CDH2: variants seen among roughly 807,000 people sequenced by gnomAD.
CDH2 encodes the protein cadherin 2.
CDH2 carries 17 observed loss-of-function variants against 92.0 expected under a neutral mutation model. The observed-to-expected ratio is 0.18, with a 90% confidence interval of 0.13 to 0.28. The LOEUF is 0.28. Ranked by LOEUF, CDH2 falls within the 10% of genes least tolerant of loss-of-function variation. CDH2 has a pLI of 1.00. For missense variants in CDH2, 862 were observed against 1,133.1 expected, an observed-to-expected ratio of 0.76 and a Z score of 3.44; for synonymous variants, 419 against 415.9, an observed-to-expected ratio of 1.01 and a Z score of -0.09.
intron 1 of CDH2, among the ~76,000 whole-genome samples, chr18:28,152,535 T>G (rs1173767712): frequency 6.6e-6 from 1 of 152,074 alleles, no homozygotes; most frequent in African/African-American, 2.4e-5. Context: ...CAGTCACTGC[T>G]TGAACTAAAA....
chr18:28,054,177 C>A (rs1261319287), intron 2 of CDH2, among the ~76,000 whole-genome samples: 1 of 152,106 alleles, frequency 6.6e-6, no homozygotes, highest in Admixed American at 6.5e-5. Flanking sequence ...TACAAGGAAT[C>A]CTGGGATCAT....
intron 1 of CDH2, among the ~76,000 whole-genome samples, chr18:28,154,485 C>A (rs1410835645): frequency 3.3e-5 from 5 of 152,240 alleles, no homozygotes; most frequent in African/African-American, 4.8e-5. Flanking sequence ...AGATCGACCT[C>A]CTTGTCTAGA....
chr18:28,045,994 T>A (rs891092579), intron 2 of CDH2, among the ~76,000 whole-genome samples: 8 of 152,248 alleles, frequency 5.3e-5, no homozygotes, highest in Non-Finnish European at 8.8e-5. Context: ...TCTTTATGAT[T>A]TCTGCTCATT....
intron 2 of CDH2, among the ~76,000 whole-genome samples, chr18:28,115,658 C>T (rs527352108): frequency 6.6e-6 from 1 of 152,260 alleles, no homozygotes; most frequent in African/African-American, 2.4e-5. Context: ...TATTATGGGC[C>T]AGCTTTCCAA....
chr18:28,155,830 A>G (rs1196427038), intron 1 of CDH2, among the ~76,000 whole-genome samples: 2 of 152,200 alleles, frequency 1.3e-5, no homozygotes, highest in African/African-American at 4.8e-5. Flanking sequence ...GATTCCATCC[A>G]TGATGTTGGA....
chr18:28,099,314 G>C (rs2144229057), intron 2 of CDH2, among the ~76,000 whole-genome samples: 1 of 152,250 alleles, frequency 6.6e-6, no homozygotes, highest in Non-Finnish European at 1.5e-5. Context: ...ACCATTGGCA[G>C]TATCTAATTT....
intron 15 of CDH2, among the ~76,000 whole-genome samples, chr18:27,960,283 C>A (rs1373247716): frequency 6.6e-6 from 1 of 152,112 alleles, no homozygotes; most frequent in Non-Finnish European, 1.5e-5. Flanking sequence ...GTGTCTAACC[C>A]ATACTCTGTA....
intron 1 of CDH2, among the ~76,000 whole-genome samples, chr18:28,169,048 T>C (rs1445385246): frequency 1.3e-5 from 2 of 152,132 alleles, no homozygotes; most frequent in Admixed American, 6.5e-5. Context: ...ACCTATCTCA[T>C]AGAGTTACAG....
intron 1 of CDH2, among the ~76,000 whole-genome samples, chr18:28,176,586 A>G (rs981947968): frequency 3.3e-5 from 5 of 152,096 alleles, no homozygotes; most frequent in Non-Finnish European, 7.4e-5. Context: ...AAATTGGAGC[A>G]AAGTACTATG....
intron 2 of CDH2, among the ~76,000 whole-genome samples, chr18:28,080,694 T>C (rs2014812518): frequency 6.6e-6 from 1 of 152,226 alleles, no homozygotes; most frequent in African/African-American, 2.4e-5. Flanking sequence ...CTAAGAATTA[T>C]ACAGTAAATT....
chr18:27,963,295 A>C, intron 15 of CDH2, 62 bp downstream of exon 15: 3 of 1,501,670 alleles, frequency 2.0e-6, no homozygotes, highest in South Asian at 1.2e-5. Flanking sequence ...TGTGGCCTAC[A>C]GAGATCTAAC....
intron 11 of CDH2, among the ~76,000 whole-genome samples, chr18:27,987,054 AG>A (rs1312972018): frequency 6.6e-6 from 1 of 152,208 alleles, no homozygotes; most frequent in Non-Finnish European, 1.5e-5. Context: ...ACATTATAAC[AG>A]GTCACTTCTC....
chr18:28,088,312 C>T (rs2014973500), intron 2 of CDH2, among the ~76,000 whole-genome samples: 2 of 152,150 alleles, frequency 1.3e-5, no homozygotes, highest in South Asian at 4.1e-4. Flanking sequence ...TAGACATAGT[C>T]TTTGCCCCTT....
At chr18:28,125,214 A>G (rs764766043) in intron 2 of CDH2, among the ~76,000 whole-genome samples, 23 of 152,208 alleles carry the variant, frequency 1.5e-4, no homozygotes, top group Non-Finnish European at 3.4e-4. Flanking sequence ...TGTAAAGTCA[A>G]GAACTGTAAA....
intron 2 of CDH2, among the ~76,000 whole-genome samples, chr18:28,021,706 T>C (rs2013415327): frequency 6.6e-6 from 1 of 151,964 alleles, no homozygotes; most frequent in Non-Finnish European, 1.5e-5. Context: ...ACAGATCTTA[T>C]ATATTAAATG....
intron 1 of CDH2, among the ~76,000 whole-genome samples, chr18:28,165,112 T>G (rs981774976): frequency 6.6e-6 from 1 of 152,230 alleles, no homozygotes; most frequent in Non-Finnish European, 1.5e-5. Context: ...ACAATGGTAA[T>G]GACCAGGTCC....
intron 2 of CDH2, among the ~76,000 whole-genome samples, chr18:28,032,864 C>T (rs942370375): frequency 2.0e-5 from 3 of 152,036 alleles, no homozygotes; most frequent in Middle Eastern, 3.4e-3. Context: ...CCACACTCAA[C>T]GAAAATGAAC....
chr18:28,115,842 AC>A, intron 2 of CDH2, among the ~76,000 whole-genome samples: 1 of 152,302 alleles, frequency 6.6e-6, no homozygotes, highest in Admixed American at 6.5e-5. Context: ...TATCAAGAAA[AC>A]AAGCAAATTC....
rs376933549 is a variant in CDH2 at position 27,993,630 on chromosome 18, T to C, written c.1028A>G (p.Gln343Arg). 1 of 1,609,508 alleles carries C rather than the reference T, an allele frequency of 6.2e-7. No homozygotes were observed. The highest frequency in any genetic ancestry group is 8.5e-7 in the Non-Finnish European group (1 of 1,177,046). Residue 343 changes from glutamine (Q) to arginine (R), a missense_variant, in exon 8 of 16, where the codon CAA becomes CGA. Transcript: ENST00000269141. ...VAAGLDREKV[Q>R]QYTLIIQATD... ...AGCTTGAATTATTAACGTATACTGT[T>C]GCACTTTCTAAAAAGACATAAAGAT...
Sources: allele counts gnomAD v4.1 joint callset (sites outside exome capture counted in the v4.1 genomes callset), GRCh38; gene constraint gnomAD v4.1.1; transcripts MANE v1.5; gene names NCBI Gene and HGNC (gene_info 2026-07-23, HGNC 2026-07-21).